Variants in NPFFR1 observed in about 807,000 individuals in gnomAD.
NPFFR1 encodes the protein neuropeptide FF receptor 1, also known as G-protein coupled receptor 147.
A neutral mutation model predicts 12.7 loss-of-function variants in NPFFR1; 17 were observed. That is an observed-to-expected ratio of 1.34 (90% confidence interval 0.92 to 2.01). The LOEUF (loss-of-function observed/expected upper bound fraction) is 2.01, where lower values mean the gene tolerates loss of function less well. NPFFR1 is among the 30% of genes most tolerant of loss of function. The probability of loss-of-function intolerance (pLI) is 0.00; values close to 1 mark genes in which losing one functional copy is unlikely to be tolerated. For missense variants in NPFFR1, 604 were observed against 606.5 expected (o/e 1.00, Z 0.04); for synonymous variants, 296 against 264.5 (o/e 1.12, Z -1.16).
intron 1 of NPFFR1, among the ~76,000 whole-genome samples, chr10:70,278,938 T>A (rs1359608203): frequency 6.6e-6 from 1 of 152,214 alleles, no homozygotes; most frequent in Admixed American, 6.5e-5. Context: ...ATTTTTATAT[T>A]TTTTTAGATT....
chr10:70,269,585 C>G (rs1215707642), intron 1 of NPFFR1, among the ~76,000 whole-genome samples: 2 of 148,980 alleles, frequency 1.3e-5, no homozygotes, highest in Non-Finnish European at 3.0e-5. Flanking sequence ...GATCTTGGCT[C>G]ACTGCAACCT....
rs1261520385 is a variant in NPFFR1, at chr10:70,249,149, A to C, written c.*5808T>G. ...CATGGTGGCTCGCGCCTGTAATCCC[A>C]GCACTTTGGGAGGCCGAGGCGGGCA... On this transcript the variant is annotated 3_prime_UTR_variant, in exon 4 of 4. Transcript: ENST00000277942. 2 of 152,228 alleles carry C rather than the reference A, an allele frequency of 1.3e-5. No individual in the cohort carries two copies. The highest frequency in any genetic ancestry group is 4.8e-5 in the African/African-American group (2 of 41,450). The allele number at this position is 152,228 out of a possible 1,614,324, so 9.4% of individuals were successfully genotyped here.
rs925990458 is a variant in NPFFR1 at position 70,247,974 on chromosome 10, A to G, written c.*6983T>C. On this transcript the variant is annotated 3_prime_UTR_variant, in exon 4 of 4. Transcript: ENST00000277942. ...CTTCTATCCCAAATCTTTGGAAGCC[A>G]TTGAAAGTGATGCAAATGTGTCTCA... 1 of 152,258 alleles carries G rather than the reference A, an allele frequency of 6.6e-6. No individual in the cohort carries two copies. The highest frequency in any genetic ancestry group is 2.4e-5 in the African/African-American group (1 of 41,468). 9.4% of individuals were successfully genotyped at this position (152,258 alleles called of 1,614,324 possible).
intron 1 of NPFFR1, among the ~76,000 whole-genome samples, chr10:70,272,480 G>A (rs1166529471): frequency 6.6e-6 from 1 of 152,156 alleles, no homozygotes; most frequent in African/African-American, 2.4e-5. Flanking sequence ...CACAACACAG[G>A]GCTGCCGAGT....
intron 1 of NPFFR1, among the ~76,000 whole-genome samples, chr10:70,277,478 T>A (rs1000019110): frequency 6.6e-6 from 1 of 152,146 alleles, no homozygotes; most frequent in Admixed American, 6.5e-5. Flanking sequence ...GGCAGGAGCA[T>A]TTCCAAGGAG....
At chr10:70,259,588 A>G (rs114960310) in intron 3 of NPFFR1, among the ~76,000 whole-genome samples, 35 of 152,284 alleles carry the variant, frequency 2.3e-4, no homozygotes, top group African/African-American at 8.2e-4. Flanking sequence ...AACCCACTTC[A>G]TTACTCCAGC....
chr10:70,277,218 C>T (rs891771485), intron 1 of NPFFR1, among the ~76,000 whole-genome samples: 1 of 152,204 alleles, frequency 6.6e-6, no homozygotes, highest in Admixed American at 6.5e-5. Flanking sequence ...GACAGGAAGG[C>T]GTGGAAGGTC....
chr10:70,255,170 G>A lies in NPFFR1; in HGVS notation c.1080C>T (p.Tyr360=). 3 of 1,546,916 alleles carry A rather than the reference G, an allele frequency of 1.9e-6. No homozygotes were observed. In the South Asian group the frequency reaches 3.6e-5, roughly 18 times the overall value. ...GCAGAAGCCCGCCGGGCCGCTCGGAGTAGGCCTCCTTGTGGCTCCCCGACG... is the reference window on the plus strand; with the variant it reads ...GCAGAAGCCCGCCGGGCCGCTCGGAATAGGCCTCCTTGTGGCTCCCCGACG... ...PRPSGSHKEA[Y]SERPGGLLHR... The change falls in exon 4 of 4, where the codon TAC becomes TAT. Residue 360 remains tyrosine (Y), a synonymous_variant. Transcript: ENST00000277942. This position sits in a 1 kb window ranked among gnomAD's most constrained non-coding sequence, Gnocchi z 4.2.
Position 70,248,493 on chromosome 10 carries a change from T to TTTTTG in NPFFR1, c.*6463_*6464insCAAAA. On this transcript the variant is annotated 3_prime_UTR_variant, in exon 4 of 4. Coordinates refer to ENST00000277942, the MANE Select transcript of NPFFR1 (RefSeq NM_022146.5). ...TTTTTTTTTTGTTTTTTGTTTTTTT[T>TTTTTG]TTTTTTTTTTGAGATGGAGTCTCAC... is the stretch of plus-strand genomic sequence containing the variant. 1 of 138,812 alleles carries TTTTTG rather than the reference T, an allele frequency of 7.2e-6. No individual in the cohort carries two copies. The highest frequency in any genetic ancestry group is 1.6e-5 in the Non-Finnish European group (1 of 64,308). 8.6% of individuals were successfully genotyped at this position (138,812 alleles called of 1,614,324 possible).
chr10:70,258,142 C>T (rs1264652060), intron 3 of NPFFR1, among the ~76,000 whole-genome samples: 3 of 152,248 alleles, frequency 2.0e-5, no homozygotes, highest in South Asian at 4.1e-4. Context: ...TTTGTCTCTG[C>T]GTCTTATTTC....
intron 2 of NPFFR1, among the ~76,000 whole-genome samples, chr10:70,262,715 T>C (rs1840646571): frequency 6.6e-6 from 1 of 152,226 alleles, no homozygotes; most frequent in Non-Finnish European, 1.5e-5. Flanking sequence ...TCTGAACTCA[T>C]GTTAATACAC....
rs1269987776 is a variant in NPFFR1, at chr10:70,255,522, A to G, written c.728T>C (p.Leu243Pro). 2 of 1,548,426 alleles carry G rather than the reference A, an allele frequency of 1.3e-6. No homozygotes were observed. Among genetic ancestry groups the G allele is most frequent in the Non-Finnish European group, 1.7e-6 (2 of 1,145,770 alleles). The change falls in exon 4 of 4, where the codon CTC (leucine) becomes CCC (proline). Residue 243 changes from leucine to proline, a missense_variant. Coordinates refer to ENST00000277942, the MANE Select transcript of NPFFR1 (RefSeq NM_022146.5). This position sits in a 1 kb window ranked among gnomAD's most constrained non-coding sequence, Gnocchi z 4.2. ...VVMYARIARK[L>P]CQAPGPAPGG... is the part of the protein sequence containing the mutation. The stretch of plus-strand genomic sequence containing the variant: ...GGGGGCCGGGCCCGGGGCCTGGCAG[A>G]GCTTGCGCGCGATGCGGGCGTACAT...
rs769401652 is a variant in NPFFR1, at chr10:70,264,156, T to C, written c.322+1921A>G. On this transcript the variant is annotated intron_variant, in intron 2 of 3. Coordinates refer to ENST00000277942, the MANE Select transcript of NPFFR1 (RefSeq NM_022146.5). ...TGGGAGGCCGAGGCAGGCAGGTCAC[T>C]TGAGATCAAGAGTTCAAAACCAGAC... Among the ~76,000 whole-genome samples, 15 of 152,032 alleles carry C rather than the reference T, an allele frequency of 9.9e-5. 1 individual carries two copies. Among genetic ancestry groups the C allele is most frequent in the Non-Finnish European group, 1.2e-4 (8 of 67,988 alleles).
At position 70,254,985 on chromosome 10, in the gene NPFFR1, G is replaced by A. The variant is rs747010232; in HGVS notation, c.1265C>T (p.Pro422Leu). Residue 422 changes from proline to leucine, a missense_variant, in exon 4 of 4, where the codon CCC becomes CTC. By Grantham distance (98) the Pro-to-Leu change is moderately conservative. Transcript: ENST00000277942. ...GATATCCCAGGCTGGAATGGTGAGG[G>A]GCAGGTGGGAGCAGCCAGGCCCTTC... ...PREGPGCSHL[P>L]LTIPAWDI 7 of 1,443,764 alleles carry A rather than the reference G, an allele frequency of 4.8e-6. No homozygotes were observed. The Admixed American group carries it at 1.4e-4, about 29-fold the overall frequency. The allele number at this position is 1,443,764 out of a possible 1,614,324, so 89.4% of individuals were successfully genotyped here. A position where few individuals can be genotyped will look rare whatever the true frequency, so the allele number is the denominator to read the frequency against.
Position 70,283,650 on chromosome 10 carries a change from C to G in NPFFR1, c.7+20G>C. 6.5e-7 allele frequency: 1 copy of G among 1,534,808 alleles called. No individual in the cohort carries two copies. The highest frequency in any genetic ancestry group is 1.4e-5 in the African/African-American group (1 of 73,172). On this transcript the variant is annotated intron_variant, in intron 1 of 3. Coordinates refer to ENST00000277942, the MANE Select transcript of NPFFR1 (RefSeq NM_022146.5). ...CGGTACCCTGCCCCACGGCTGGCCCCCAGCCCCAGGACCACTCACCCTCCA... is the reference window on the plus strand; with the variant it reads ...CGGTACCCTGCCCCACGGCTGGCCCGCAGCCCCAGGACCACTCACCCTCCA...
intron 3 of NPFFR1, among the ~76,000 whole-genome samples, chr10:70,257,896 T>A (rs765380454): frequency 6.4e-4 from 97 of 152,210 alleles, no homozygotes; most frequent in Non-Finnish European, 1.2e-3. Flanking sequence ...CTGGCTTACG[T>A]GCACGTCCAG....
chr10:70,271,919 C>G (rs1159036967), intron 1 of NPFFR1, among the ~76,000 whole-genome samples: 1 of 151,966 alleles, frequency 6.6e-6, no homozygotes, highest in Non-Finnish European at 1.5e-5. Flanking sequence ...GAGTTCAAGA[C>G]CAGCCTGATC....
chr10:70,255,309 G>A lies in NPFFR1; in HGVS notation c.941C>T (p.Ala314Val), dbSNP rs1840551425. ...HLVTVYAFPF[A>V]HWLAFFNSSA... ...GCTGTTGAAGAAGGCCAGCCAGTGC[G>A]CGAAGGGGAAGGCGTAGACGGTGAC... is the stretch of plus-strand genomic sequence containing the variant. Residue 314 changes from alanine (A) to valine (V), a missense_variant, in exon 4 of 4, where the codon GCG becomes GTG. Physicochemically the swap from Ala to Val is moderately conservative, Grantham distance 64 (BLOSUM62 0). Transcript: ENST00000277942. The surrounding 1 kb of genome is among the most constrained non-coding windows in gnomAD (Gnocchi z 4.2). 1.9e-6 allele frequency: 3 copies of A among 1,582,848 alleles called. No homozygotes were observed. The South Asian group carries it at 3.4e-5, about 18-fold the overall frequency.
At position 70,283,688 on chromosome 10, in the gene NPFFR1, T is replaced by A. The variant is rs2136815434; in HGVS notation, c.-12A>T. 8.5e-6 allele frequency: 13 copies of A among 1,535,456 alleles called. No individual in the cohort carries two copies. In the Middle Eastern group the frequency reaches 1.4e-3, roughly 160 times the overall value. On this transcript the variant is annotated 5_prime_UTR_variant, in exon 1 of 4. Transcript: ENST00000277942. Reference sequence around the variant, plus strand: ...CACTCACCCTCCATGATGCCCCCAGTTGCGGGCTCCGGCGGTCTCCGATGG... The same window carrying A: ...CACTCACCCTCCATGATGCCCCCAGATGCGGGCTCCGGCGGTCTCCGATGG...
Sources: allele counts gnomAD v4.1 joint callset (sites outside exome capture counted in the v4.1 genomes callset), GRCh38; gene constraint gnomAD v4.1.1; non-coding constraint Gnocchi (gnomAD v3.1); transcripts MANE v1.5; gene names NCBI Gene and HGNC (gene_info 2026-07-23, HGNC 2026-07-21).